The following SESN1 variants were observed in gnomAD, a reference collection of about 807,000 sequenced individuals.
SESN1 encodes the protein sestrin-1.
SESN1 carries 30 observed loss-of-function variants against 59.3 expected under a neutral mutation model. The observed-to-expected ratio is 0.51, with a 90% CI of 0.38 to 0.69. SESN1 has a LOEUF of 0.69. Ranked by LOEUF, SESN1 falls within the 30% of genes least tolerant of loss-of-function variation. SESN1 has a pLI of 0.00. For missense variants in SESN1, 566 were observed against 673.0 expected (o/e 0.84, Z 1.76); for synonymous variants, 197 against 219.9 (o/e 0.90, Z 0.92).
In SESN1 at chr6:108,988,657, G is replaced by C; in HGVS notation, c.1455C>G (p.Asn485Lys). The C allele has an allele frequency of 6.2e-7, 1 of 1,609,594 alleles. No homozygotes were observed. The highest frequency in any genetic ancestry group is 8.5e-7 in the Non-Finnish European group (1 of 1,177,790). Residue 485 changes from asparagine (N) to lysine (K), a missense_variant, in exon 9 of 10, where the codon AAC becomes AAG. Transcript: ENST00000436639. ...RYDDYDYGEINQLLDRSFKVY... is the reference protein window; with the variant it reads ...RYDDYDYGEIKQLLDRSFKVY... ...CTTTAAAGCTACGATCCAATAGCTGGTTAATTTCACCATAGTCATAATCAT... is the reference window on the plus strand; with the variant it reads ...CTTTAAAGCTACGATCCAATAGCTGCTTAATTTCACCATAGTCATAATCAT...
intron 1 of SESN1, among the ~76,000 whole-genome samples, chr6:109,078,438 G>A (rs1309748084): frequency 6.6e-6 from 1 of 151,920 alleles, no homozygotes; most frequent in Non-Finnish European, 1.5e-5. Flanking sequence ...AATCCCTGCT[G>A]TTTGATATTT....
At position 109,011,056 on chromosome 6, in the gene SESN1, A is replaced by G. The variant is rs540419767; in HGVS notation, c.280-8713T>C. 7.8e-4 allele frequency among the ~76,000 whole-genome samples: 119 copies of G among 152,350 alleles called. 1 individual carries two copies. Among genetic ancestry groups the G allele is most frequent in the Non-Finnish European group, 1.2e-3 (83 of 68,032 alleles). ...TCTAGAAGAGTTGAGGTATGATTTTATTTCTGAAGGAATCACAGTTTTAGT... is the reference window on the plus strand; with the variant it reads ...TCTAGAAGAGTTGAGGTATGATTTTGTTTCTGAAGGAATCACAGTTTTAGT... On this transcript the variant is annotated intron_variant, in intron 1 of 9. Transcript: ENST00000436639.
chr6:109,028,403 C>T (rs1489421286), intron 1 of SESN1, among the ~76,000 whole-genome samples: 1 of 152,042 alleles, frequency 6.6e-6, no homozygotes, highest in Non-Finnish European at 1.5e-5. Context: ...TCGAATGGGG[C>T]TAATTTGTTG....
chr6:108,989,609 ATC>A (rs1286145718), intron 8 of SESN1, among the ~76,000 whole-genome samples: 2 of 151,614 alleles, frequency 1.3e-5, no homozygotes, highest in African/African-American at 2.4e-5. Flanking sequence ...AGAGATAGAT[ATC>A]TCTCTATATA....
At chr6:109,056,398 T>C (rs1780633943) in intron 1 of SESN1, among the ~76,000 whole-genome samples, 1 of 151,996 alleles carries the variant, frequency 6.6e-6, no homozygotes, top group Non-Finnish European at 1.5e-5. Flanking sequence ...AGCAAGACTT[T>C]GTCTTGGAAA....
At chr6:109,016,197 C>T (rs944492197) in intron 1 of SESN1, among the ~76,000 whole-genome samples, 16 of 152,038 alleles carry the variant, frequency 1.1e-4, no homozygotes, top group Non-Finnish European at 1.6e-4. Context: ...TTTATACTAA[C>T]GGTAATTTTT....
chr6:109,087,186 TAA>T (rs1781227279), intron 1 of SESN1, among the ~76,000 whole-genome samples: 2 of 152,036 alleles, frequency 1.3e-5, no homozygotes, highest in South Asian at 2.1e-4. Context: ...TCTGAACACA[TAA>T]AGAGTACTGT....
intron 1 of SESN1, among the ~76,000 whole-genome samples, chr6:109,004,286 G>A (rs1306771411): frequency 3.9e-5 from 6 of 151,980 alleles, no homozygotes; most frequent in Admixed American, 2.0e-4. Flanking sequence ...TAAATTTAAT[G>A]ACATAAAAAT....
At chr6:109,006,953 G>C (rs971911874) in intron 1 of SESN1, among the ~76,000 whole-genome samples, 1 of 152,162 alleles carries the variant, frequency 6.6e-6, no homozygotes, top group African/African-American at 2.4e-5. Context: ...GATTCTAGGA[G>C]ACAGAACTGC....
chr6:108,990,618 CTT>C (rs1251577787), intron 8 of SESN1, 25 bp downstream of exon 8: 2 of 1,610,164 alleles, frequency 1.2e-6, no homozygotes, highest in Non-Finnish European at 1.7e-6. Flanking sequence ...GAAAACATCT[CTT>C]TATAAACACA....
chr6:109,007,256 A>C (rs995385141), intron 1 of SESN1, among the ~76,000 whole-genome samples: 4 of 152,204 alleles, frequency 2.6e-5, no homozygotes, highest in Admixed American at 6.5e-5. Flanking sequence ...GTATGAATCA[A>C]TGTTTGTGTA....
chr6:109,001,606 A>G (rs988692112), intron 2 of SESN1, 118 bp from the exon 3 acceptor site: 2 of 881,282 alleles, frequency 2.3e-6, no homozygotes. Context: ...GGCTTAAGAA[A>G]GAGGGGTTAC....
intron 1 of SESN1, among the ~76,000 whole-genome samples, chr6:109,069,064 C>T (rs1490825040): frequency 6.6e-6 from 1 of 151,956 alleles, no homozygotes; most frequent in Non-Finnish European, 1.5e-5. Context: ...TCTTAAGTTC[C>T]CAGAATGTCC....
At chr6:109,091,395 T>C (rs1392019890) in intron 1 of SESN1, among the ~76,000 whole-genome samples, 4 of 152,162 alleles carry the variant, frequency 2.6e-5, no homozygotes, top group Non-Finnish European at 5.9e-5. Flanking sequence ...TGTATCACCA[T>C]CATTAAGTGA....
intron 1 of SESN1, among the ~76,000 whole-genome samples, chr6:109,053,068 G>A (rs907461518): frequency 5.9e-5 from 9 of 151,994 alleles, no homozygotes; most frequent in Admixed American, 2.0e-4. Flanking sequence ...GTGTGTGTGC[G>A]TGCGTGTGTG....
At chr6:109,061,569 G>A (rs984503026) in intron 1 of SESN1, among the ~76,000 whole-genome samples, 69 of 152,282 alleles carry the variant, frequency 4.5e-4, no homozygotes, top group African/African-American at 1.7e-3. Flanking sequence ...TCTGGGAGAT[G>A]GAAGTGGGTG....
rs2128524870 is a variant in SESN1 at position 108,984,385 on chromosome 6, G to T, written c.*3159C>A. Among the ~76,000 whole-genome samples, 1 of 152,304 alleles carries T rather than the reference G, an allele frequency of 6.6e-6. No homozygotes were observed. The highest frequency in any genetic ancestry group is 1.9e-4 in the East Asian group (1 of 5,182). Reference sequence around the variant, plus strand: ...TCCGATATCAAGGATTTAGTGCCTAGTGAGTGTTTTCTTCCTCACAGATGG... The same window carrying T: ...TCCGATATCAAGGATTTAGTGCCTATTGAGTGTTTTCTTCCTCACAGATGG... On this transcript the variant is annotated 3_prime_UTR_variant, in exon 10 of 10. Coordinates refer to ENST00000436639, the MANE Select transcript of SESN1 (RefSeq NM_014454.3).
At chr6:109,008,166 A>T (rs1433381686) in intron 1 of SESN1, among the ~76,000 whole-genome samples, 1 of 152,220 alleles carries the variant, frequency 6.6e-6, no homozygotes, top group Non-Finnish European at 1.5e-5. Flanking sequence ...AGCTATCTTT[A>T]GAAATTCTAG....
chr6:109,091,780 CAGG>C (rs1781321100), intron 1 of SESN1, among the ~76,000 whole-genome samples: 1 of 152,164 alleles, frequency 6.6e-6, no homozygotes, highest in Non-Finnish European at 1.5e-5. Flanking sequence ...TGACATTCAG[CAGG>C]AGTTCAATAA....
Sources: allele counts gnomAD v4.1 joint callset (sites outside exome capture counted in the v4.1 genomes callset), GRCh38; gene constraint gnomAD v4.1.1; transcripts MANE v1.5; gene names NCBI Gene and HGNC (gene_info 2026-07-23, HGNC 2026-07-21).